The following FAM171B variants were observed in gnomAD, a reference collection of about 807,000 sequenced individuals.
The protein encoded by FAM171B is family with sequence similarity 171 member B, also known as protein FAM171B.
In FAM171B, 19 loss-of-function variants were observed where a neutral mutation model predicts 75.6. The ratio of observed to expected loss-of-function variants is 0.25; its 90% CI spans 0.18 to 0.37. FAM171B has a LOEUF of 0.37. FAM171B is among the 10% of genes least tolerant of loss of function. The probability of loss-of-function intolerance (pLI) is 1.00; values close to 1 mark genes in which losing one functional copy is unlikely to be tolerated. For missense variants in FAM171B, 848 were observed against 982.4 expected, an observed-to-expected ratio of 0.86 and a Z score of 1.83; for synonymous variants, 367 against 361.7, an observed-to-expected ratio of 1.01 and a Z score of -0.17.
intron 1 of FAM171B, among the ~76,000 whole-genome samples, chr2:186,723,742 T>TA (rs1689989592): frequency 1.3e-5 from 2 of 152,216 alleles, no homozygotes; most frequent in Admixed American, 6.5e-5. Flanking sequence ...GTATAAAACT[T>TA]ACAAATGTTC....
chr2:186,760,364 C>T (rs1017060547), intron 6 of FAM171B, among the ~76,000 whole-genome samples: 3 of 151,972 alleles, frequency 2.0e-5, no homozygotes. Context: ...TCTTTAGACC[C>T]CTGCTTAATT....
At chr2:186,739,152 G>T (rs768743474) in intron 1 of FAM171B, among the ~76,000 whole-genome samples, 1 of 152,030 alleles carries the variant, frequency 6.6e-6, no homozygotes, top group Non-Finnish European at 1.5e-5. Flanking sequence ...TTTTAAAATA[G>T]TACACTTGTA....
rs1690632811 is a variant in FAM171B, at chr2:186,762,450, C to A, written c.2108C>A (p.Thr703Asn). The A allele has an allele frequency of 1.2e-6, 2 of 1,613,434 alleles. No homozygotes were observed. Among genetic ancestry groups the A allele is most frequent in the African/African-American group, 2.7e-5 (2 of 74,826 alleles). ...GGCAAGAGAACCCAGAGCAATGACA[C>A]CAGTCTGGACTCTGGGGTGGACATG... is the stretch of plus-strand genomic sequence containing the variant. ...KKGKRTQSND[T>N]SLDSGVDMNE... is the part of the protein sequence containing the mutation. The change falls in exon 8 of 8, where the codon ACC becomes AAC. Residue 703 changes from threonine to asparagine, a missense_variant. Around this residue, in one of 3 missense-constraint regions of FAM171B, gnomAD observed 136 missense variants for 159.3 expected, o/e 0.85. Transcript: ENST00000304698. The surrounding 1 kb of genome is among the most constrained non-coding windows in gnomAD (Gnocchi z 4.0).
At chr2:186,710,768 G>T (rs191410959) in intron 1 of FAM171B, among the ~76,000 whole-genome samples, 27 of 152,002 alleles carry the variant, frequency 1.8e-4, no homozygotes, top group African/African-American at 6.5e-4. Context: ...TGTTTATAAT[G>T]AATACTTGGA....
chr2:186,696,245 C>G (rs1190015855), intron 1 of FAM171B, among the ~76,000 whole-genome samples: 2 of 151,936 alleles, frequency 1.3e-5, no homozygotes, highest in Admixed American at 6.6e-5. Flanking sequence ...CTCAAAAACT[C>G]TAATTACCCA....
chr2:186,725,579 C>A (rs1690020703), intron 1 of FAM171B, among the ~76,000 whole-genome samples: 1 of 152,128 alleles, frequency 6.6e-6, no homozygotes, highest in African/African-American at 2.4e-5. Context: ...CCCTCACACC[C>A]CATTTTCAAA....
rs1246128011 is a variant in FAM171B, at chr2:186,762,985, C to T, written c.*162C>T. 1.6e-5 allele frequency: 13 copies of T among 820,234 alleles called. No homozygotes were observed. The highest frequency in any genetic ancestry group is 1.5e-5 in the Non-Finnish European group (8 of 545,652). The allele number at this position is 820,234 out of a possible 1,614,324, so 50.8% of individuals were successfully genotyped here. A position where few individuals can be genotyped will look rare whatever the true frequency, so the allele number is the denominator to read the frequency against. Reference sequence around the variant, plus strand: ...ATTCAGTAATCAGAGAGAAAGATACCAAGGAATGCTTTTTCTGGCCTATTC... The same window carrying T: ...ATTCAGTAATCAGAGAGAAAGATACTAAGGAATGCTTTTTCTGGCCTATTC... On this transcript the variant is annotated 3_prime_UTR_variant, in exon 8 of 8. Coordinates refer to ENST00000304698, the MANE Select transcript of FAM171B (RefSeq NM_177454.4). This position sits in a 1 kb window ranked among gnomAD's most constrained non-coding sequence, Gnocchi z 4.0.
At chr2:186,744,899 C>T (rs934173029) in intron 3 of FAM171B, among the ~76,000 whole-genome samples, 2 of 148,468 alleles carry the variant, frequency 1.3e-5, no homozygotes, top group African/African-American at 2.5e-5. Flanking sequence ...GGTGCAATCT[C>T]GGCTCACTGC....
chr2:186,694,298 T>C lies in FAM171B; in HGVS notation c.125T>C (p.Ile42Thr). Residue 42 changes from isoleucine to threonine, a missense_variant, in exon 1 of 8, where the codon ATC (isoleucine) becomes ACC (threonine). Ile to Thr is a moderately conservative substitution (Grantham distance 89). Transcript: ENST00000304698. ...AELSRSDLSLIQQQQQQQQQQ... is the reference protein window; with the variant it reads ...AELSRSDLSLTQQQQQQQQQQ... ...CTCAGCCGCTCCGACCTCAGCCTCA[T>C]CCAACAGCAGCAGCAGCAGCAGCAA... 6.5e-7 allele frequency: 1 copy of C among 1,544,330 alleles called. No individual in the cohort carries two copies. The highest frequency in any genetic ancestry group is 8.7e-7 in the Non-Finnish European group (1 of 1,145,904).
rs1690692531 is a variant in FAM171B at position 186,765,936 on chromosome 2, A to G, written c.*3113A>G. ...AAATGTTAAACATAGTTCATTAAAA[A>G]TAATAAAATAAATCTAAAATGTACT... On this transcript the variant is annotated 3_prime_UTR_variant, in exon 8 of 8. Transcript: ENST00000304698. 6.6e-6 allele frequency: 1 copy of G among 152,170 alleles called. No homozygotes were observed. 9.4% of individuals were successfully genotyped at this position (152,170 alleles called of 1,614,324 possible).
intron 1 of FAM171B, among the ~76,000 whole-genome samples, chr2:186,716,086 C>T (rs1185639540): frequency 6.6e-6 from 1 of 152,156 alleles, no homozygotes; most frequent in Non-Finnish European, 1.5e-5. Flanking sequence ...TTGGAGGGCT[C>T]ACTGCAGCCT....
intron 1 of FAM171B, among the ~76,000 whole-genome samples, chr2:186,695,656 G>A (rs1022473605): frequency 1.3e-5 from 2 of 152,182 alleles, no homozygotes; most frequent in African/African-American, 4.8e-5. Context: ...TCACCAAAGT[G>A]TGCAGGAAAG....
intron 1 of FAM171B, 85 bp downstream of exon 1, chr2:186,694,496 C>G (rs983813266): frequency 1.4e-6 from 2 of 1,456,230 alleles, no homozygotes. Flanking sequence ...CCTTCCCTAT[C>G]CATTCCTATC....
intron 1 of FAM171B, among the ~76,000 whole-genome samples, chr2:186,710,159 A>T (rs1049171362): frequency 1.3e-5 from 2 of 152,158 alleles, no homozygotes; most frequent in African/African-American, 4.8e-5. Flanking sequence ...AAATTCTGTA[A>T]CTGTTCCAGG....
intron 1 of FAM171B, among the ~76,000 whole-genome samples, chr2:186,694,782 CA>C (rs1689555537): frequency 2.6e-5 from 4 of 151,370 alleles, no homozygotes; most frequent in African/African-American, 7.3e-5. Flanking sequence ...CACACACACA[CA>C]CACACACACA....
In FAM171B at chr2:186,740,292, A is replaced by T. The variant is rs1310725334; in HGVS notation, c.303A>T (p.Ala101=). ...TCAGTCGTCAGTACCTGAGCCAAGC[A>T]GTTGTAGAAGTGTTTGTAAACTACA... is the stretch of plus-strand genomic sequence containing the variant. ...DIISRQYLSQ[A]VVEVFVNYTK... The change falls in exon 2 of 8, where the codon GCA becomes GCT. Residue 101 remains alanine (A), a synonymous_variant. Coordinates refer to ENST00000304698, the MANE Select transcript of FAM171B (RefSeq NM_177454.4). The T allele has an allele frequency of 1.7e-5, 28 of 1,614,102 alleles. No individual in the cohort carries two copies. The highest frequency in any genetic ancestry group is 2.3e-5 in the Non-Finnish European group (27 of 1,179,950).
chr2:186,748,402 GTTT>G (rs764764447), intron 4 of FAM171B, among the ~76,000 whole-genome samples: 1 of 151,936 alleles, frequency 6.6e-6, no homozygotes, highest in South Asian at 2.1e-4. Flanking sequence ...GTTAGATAGA[GTTT>G]TGTTTTGCCT....
intron 1 of FAM171B, among the ~76,000 whole-genome samples, chr2:186,719,914 A>G (rs1475542707): frequency 6.6e-6 from 1 of 152,274 alleles, no homozygotes; most frequent in African/African-American, 2.4e-5. Context: ...AACATACAGT[A>G]ATAAGAAAAT....
intron 4 of FAM171B, among the ~76,000 whole-genome samples, chr2:186,750,708 G>C (rs1386260391): frequency 6.6e-6 from 1 of 152,158 alleles, no homozygotes; most frequent in Non-Finnish European, 1.5e-5. Flanking sequence ...AGATCTGTGG[G>C]TTCTAGCACT....
Sources: gnomAD v4.1 joint callset for allele counts (sites outside exome capture counted in the v4.1 genomes callset) on GRCh38, gnomAD v4.1.1 for gene constraint, gnomAD v4.1.1 regional missense constraint, Gnocchi (gnomAD v3.1) non-coding constraint, MANE v1.5 for transcripts, NCBI Gene and HGNC (gene_info 2026-07-23, HGNC 2026-07-21) for gene names.